The following LRRFIP1 variants were observed in gnomAD, a reference collection of about 807,000 sequenced individuals.
The protein encoded by LRRFIP1 is LRR binding FLII interacting protein 1.
In LRRFIP1, 62 loss-of-function variants were observed where a neutral mutation model predicts 104.4. The observed-to-expected ratio is 0.59, with a 90% CI of 0.48 to 0.73. LRRFIP1 has a LOEUF of 0.73. LRRFIP1 is among the 30% of genes least tolerant of loss of function. The pLI is 0.00. For synonymous variants in LRRFIP1, 300 were observed against 299.0 expected, an observed-to-expected ratio of 1.00 and a Z score of -0.03; for missense variants, 796 against 824.5, an observed-to-expected ratio of 0.97 and a Z score of 0.42.
chr2:237,714,169 T>C, intron 2 of LRRFIP1, 90 bp from the exon 3 acceptor site: 1 of 831,024 alleles, frequency 1.2e-6, no homozygotes, highest in Non-Finnish European at 2.0e-6. Context: ...TTGATTCATA[T>C]GTCTAGTTAC....
At chr2:237,718,570 C>T (rs1166636973) in intron 4 of LRRFIP1, among the ~76,000 whole-genome samples, 3 of 152,154 alleles carry the variant, frequency 2.0e-5, no homozygotes, top group South Asian at 4.1e-4. Context: ...TGGCCCTTCT[C>T]GTTAGTTCCT....
intron 1 of LRRFIP1, among the ~76,000 whole-genome samples, chr2:237,662,373 A>G (rs2088180689): frequency 6.6e-6 from 1 of 152,106 alleles, no homozygotes; most frequent in Non-Finnish European, 1.5e-5. Context: ...GTGGACATGA[A>G]CTTTTGGGGG....
At chr2:237,704,498 G>C (rs1230250754) in intron 1 of LRRFIP1, among the ~76,000 whole-genome samples, 2 of 152,172 alleles carry the variant, frequency 1.3e-5, no homozygotes, top group Non-Finnish European at 2.9e-5. Context: ...AGTGGCAAGA[G>C]TTATTCTGTG....
Position 237,757,537 on chromosome 2 carries a change from A to G in LRRFIP1, c.1213A>G (p.Lys405Glu). The G allele has an allele frequency of 1.9e-6, 3 of 1,578,460 alleles. No homozygotes were observed. The highest frequency in any genetic ancestry group is 2.6e-6 in the Non-Finnish European group (3 of 1,160,834). The change falls in exon 17 of 24, where the codon AAA becomes GAA. Residue 405 changes from lysine (K) to glutamate (E), a missense_variant. By Grantham distance (56) the Lys-to-Glu change is moderately conservative (BLOSUM62 1). Transcript: ENST00000308482. Reference protein sequence around the residue: ...DLQETIEWKDKKIGALERQKE... With the variant: ...DLQETIEWKDEKIGALERQKE... ...TCAGGAAACAATAGAGTGGAAAGAC[A>G]AAAAGATAGGGGTAGGATTCCCAAG... is the stretch of plus-strand genomic sequence containing the variant.
chr2:237,726,289 A>T (rs547845376), intron 7 of LRRFIP1, among the ~76,000 whole-genome samples: 1 of 151,424 alleles, frequency 6.6e-6, no homozygotes, highest in East Asian at 1.9e-4. Context: ...TACAGCAAAG[A>T]TAAATATATA....
intron 1 of LRRFIP1, among the ~76,000 whole-genome samples, chr2:237,642,588 C>T (rs1055832452): frequency 6.6e-6 from 1 of 151,692 alleles, no homozygotes; most frequent in Non-Finnish European, 1.5e-5. Context: ...GTTCCCAGTT[C>T]CAGGTTTCAG....
Position 237,756,298 on chromosome 2 carries a change from C to G in LRRFIP1, c.1131+111C>G, listed in dbSNP as rs116589116. ...TAATAAAATACCATACACAGCATGG[C>G]TTAAACAACAGAAATTAATTTTCTT... is the stretch of plus-strand genomic sequence containing the variant. On this transcript the variant is annotated intron_variant, in intron 16 of 23. Transcript: ENST00000308482. 1.9e-3 allele frequency: 1,365 copies of G among 700,702 alleles called. 18 individuals are homozygous for G. In the African/African-American group the frequency reaches 0.022, roughly 11 times the overall value. The allele number at this position is 700,702 out of a possible 1,614,324, so 43.4% of individuals were successfully genotyped here. A position where few individuals can be genotyped will look rare whatever the true frequency, so the allele number is the denominator to read the frequency against.
Position 237,779,410 on chromosome 2 carries a change from C to T in LRRFIP1, c.1813-12C>T, listed in dbSNP as rs578121785. ...AGTTCCTTAAAGCTCACTGCCTTTC[C>T]TCCGTTCCCAGCTCCGCTCTGCATT... On this transcript the variant is annotated splice_polypyrimidine_tract_variant and intron_variant, in intron 23 of 23. Coordinates refer to ENST00000308482, the MANE Select transcript of LRRFIP1 (RefSeq NM_001137550.2). The T allele has an allele frequency of 2.0e-5, 33 of 1,611,992 alleles. No individual in the cohort carries two copies. Among genetic ancestry groups the T allele is most frequent in the African/African-American group, 2.0e-4 (15 of 74,894 alleles).
chr2:237,749,894 T>C (rs1576226048), intron 13 of LRRFIP1, among the ~76,000 whole-genome samples: 1 of 152,148 alleles, frequency 6.6e-6, no homozygotes, highest in East Asian at 1.9e-4. Flanking sequence ...TAGTATTCTG[T>C]GTGTGAAAGA....
At chr2:237,679,954 G>A (rs2149626107) in intron 1 of LRRFIP1, among the ~76,000 whole-genome samples, 1 of 152,248 alleles carries the variant, frequency 6.6e-6, no homozygotes, top group East Asian at 1.9e-4. Context: ...ACTCAATGTT[G>A]CATGTAGGAA....
chr2:237,766,641 T>C lies in LRRFIP1; in HGVS notation c.1460-3302T>C, dbSNP rs1349422283. 6.6e-6 allele frequency among the ~76,000 whole-genome samples: 1 copy of C among 152,204 alleles called. No individual in the cohort carries two copies. The highest frequency in any genetic ancestry group is 1.5e-5 in the Non-Finnish European group (1 of 68,034). On this transcript the variant is annotated intron_variant, in intron 19 of 23. Transcript: ENST00000308482. The surrounding 1 kb of genome is among the most constrained non-coding windows in gnomAD (Gnocchi z 4.8). ...TTAATAGACAGGTTTGATCACTTTG[T>C]ACATGGAAGGCACTGTGCCAGTGAA...
chr2:237,768,933 C>T (rs1032964319), intron 19 of LRRFIP1: 12 of 152,218 alleles, frequency 7.9e-5, no homozygotes, highest in African/African-American at 2.4e-4. Flanking sequence ...GGGTCTGACT[C>T]GGGCGTGTGA....
In LRRFIP1 at chr2:237,735,361, T is replaced by TC; in HGVS notation, c.555+33dup. On this transcript the variant is annotated intron_variant, in intron 10 of 23. Coordinates refer to ENST00000308482, the MANE Select transcript of LRRFIP1 (RefSeq NM_001137550.2). The surrounding 1 kb of genome is among the most constrained non-coding windows in gnomAD (Gnocchi z 4.6). ...AAGGCGCTTTCGGTGATACCTCCTT[T>TC]CCCCCGTGCCTGCTGCATGGCCTGG... is the stretch of plus-strand genomic sequence containing the variant. The TC allele has an allele frequency of 1.2e-6, 2 of 1,606,714 alleles. No homozygotes were observed. Among genetic ancestry groups the TC allele is most frequent in the Non-Finnish European group, 8.5e-7 (1 of 1,177,314 alleles).
At chr2:237,655,876 C>T (rs2086734793) in intron 1 of LRRFIP1, among the ~76,000 whole-genome samples, 1 of 152,214 alleles carries the variant, frequency 6.6e-6, no homozygotes, top group South Asian at 2.1e-4. Flanking sequence ...TACTAGGCTG[C>T]TAATGAAAAA....
intron 14 of LRRFIP1, 77 bp downstream of exon 14, chr2:237,751,348 A>G: frequency 8.4e-7 from 1 of 1,185,814 alleles, no homozygotes; most frequent in East Asian, 2.5e-5. Flanking sequence ...CCTAAAGAAG[A>G]AATTCAAAGT....
At chr2:237,733,045 G>GAGCTGC (rs1422192674) in intron 8 of LRRFIP1, among the ~76,000 whole-genome samples, 1 of 152,172 alleles carries the variant, frequency 6.6e-6, no homozygotes, top group Non-Finnish European at 1.5e-5. Flanking sequence ...ATGTCGACTG[G>GAGCTGC]AGCTGCTGAG....
intron 1 of LRRFIP1, among the ~76,000 whole-genome samples, chr2:237,685,878 T>A (rs148151791): frequency 1.3e-5 from 2 of 152,250 alleles, no homozygotes; most frequent in Non-Finnish European, 2.9e-5. Flanking sequence ...TTATTACACA[T>A]GCACAAATCA....
At chr2:237,651,777 A>T (rs1432982624) in intron 1 of LRRFIP1, among the ~76,000 whole-genome samples, 1 of 152,282 alleles carries the variant, frequency 6.6e-6, no homozygotes, top group Non-Finnish European at 1.5e-5. Context: ...TATTTTATGT[A>T]AATTGATACA....
chr2:237,654,239 CAATA>C (rs1411757897), intron 1 of LRRFIP1, among the ~76,000 whole-genome samples: 2 of 151,398 alleles, frequency 1.3e-5, no homozygotes, highest in African/African-American at 4.9e-5. Flanking sequence ...TACAAATGGC[CAATA>C]GATACGTGAA....
Sources: allele counts gnomAD v4.1 joint callset (sites outside exome capture counted in the v4.1 genomes callset), GRCh38; gene constraint gnomAD v4.1.1; non-coding constraint Gnocchi (gnomAD v3.1); transcripts MANE v1.5; gene names NCBI Gene and HGNC (gene_info 2026-07-23, HGNC 2026-07-21).